ZNF79: variants seen among roughly 807,000 people sequenced by gnomAD.
ZNF79 encodes ZNFpT7.
A neutral mutation model predicts 14.9 loss-of-function variants in ZNF79; 13 were observed. That is an observed-to-expected ratio of 0.87 (90% CI 0.57 to 1.38). The LOEUF (loss-of-function observed/expected upper bound fraction) is 1.38, where lower values mean the gene tolerates loss of function less well. ZNF79 is among the 40% of genes most tolerant of loss of function. ZNF79 has a pLI of 0.00. For synonymous variants in ZNF79, 223 were observed against 235.1 expected (o/e 0.95, Z 0.47); for missense variants, 631 against 630.6 (o/e 1.00, Z -0.01).
intron 1 of ZNF79, 21 bp downstream of exon 1, chr9:127,424,824 C>T: frequency 3.7e-6 from 6 of 1,613,668 alleles, no homozygotes; most frequent in Non-Finnish European, 5.1e-6. Context: ...GTAGAGGGAG[C>T]GATTGTCAAG....
chr9:127,445,307 AG>A lies in ZNF79; in HGVS notation c.*111del. ...GAAAGCATCTGAAGACATCTAACTT[AG>A]AGTCTGCAGCCCAGAGCCACATGCA... On this transcript the variant is annotated 3_prime_UTR_variant, in exon 5 of 5. Transcript: ENST00000342483. 2 of 1,211,338 alleles carry A rather than the reference AG, an allele frequency of 1.7e-6. No individual in the cohort carries two copies. Among genetic ancestry groups the A allele is most frequent in the Non-Finnish European group, 2.3e-6 (2 of 868,980 alleles). 75.0% of individuals were successfully genotyped at this position (1,211,338 alleles called of 1,614,324 possible). A position where few individuals can be genotyped will look rare whatever the true frequency, so the allele number is the denominator to read the frequency against.
chr9:127,436,888 C>G (rs12056990), intron 4 of ZNF79, among the ~76,000 whole-genome samples: 67 of 152,124 alleles, frequency 4.4e-4, no homozygotes, highest in African/African-American at 1.6e-3. Context: ...AAAACCCCAT[C>G]TCAACTAAAA....
chr9:127,428,822 C>T lies in ZNF79; in HGVS notation c.17-10C>T, dbSNP rs371010524. On this transcript the variant is annotated splice_polypyrimidine_tract_variant and intron_variant, in intron 1 of 4. Transcript: ENST00000342483. ...CTTTTAACATTATTAGTTTTTTTCT[C>T]TTTCTCTAGTACTGCCTTCCCCAGG... 6.4e-6 allele frequency: 10 copies of T among 1,565,042 alleles called. No homozygotes were observed. The highest frequency in any genetic ancestry group is 8.6e-6 in the Non-Finnish European group (10 of 1,158,422).
intron 2 of ZNF79, among the ~76,000 whole-genome samples, chr9:127,429,431 C>G (rs1833821323): frequency 6.6e-6 from 1 of 151,958 alleles, no homozygotes; most frequent in Admixed American, 6.6e-5. Context: ...AGCAATCCTC[C>G]CACCTCAGCC....
At position 127,436,010 on chromosome 9, in the gene ZNF79, G is replaced by A. The variant is rs1017821045; in HGVS notation, c.328+7G>A. ...CTGCGAAGTCCCTCTCCAGGTATGT[G>A]AGCAAGCACTTAGCCAGTGGGAGTC... On this transcript the variant is annotated splice_region_variant and intron_variant, in intron 4 of 4. Transcript: ENST00000342483. 6.2e-7 allele frequency: 1 copy of A among 1,613,634 alleles called. No homozygotes were observed. The highest frequency in any genetic ancestry group is 1.3e-5 in the African/African-American group (1 of 75,058).
At chr9:127,428,073 C>T (rs1039556726) in intron 1 of ZNF79, among the ~76,000 whole-genome samples, 1 of 152,034 alleles carries the variant, frequency 6.6e-6, no homozygotes, top group African/African-American at 2.4e-5. Flanking sequence ...CTCGACCTCC[C>T]TGGCTCAAGC....
chr9:127,445,324 G>C lies in ZNF79; in HGVS notation c.*127G>C. Reference sequence around the variant, plus strand: ...TCTAACTTAGAGTCTGCAGCCCAGAGCCACATGCAAAACACCTTCAATAAA... The same window carrying C: ...TCTAACTTAGAGTCTGCAGCCCAGACCCACATGCAAAACACCTTCAATAAA... On this transcript the variant is annotated 3_prime_UTR_variant, in exon 5 of 5. Transcript: ENST00000342483. 1.0e-6 allele frequency: 1 copy of C among 983,856 alleles called. No homozygotes were observed. The highest frequency in any genetic ancestry group is 1.5e-6 in the Non-Finnish European group (1 of 673,804). The allele number at this position is 983,856 out of a possible 1,614,324, so 60.9% of individuals were successfully genotyped here.
chr9:127,440,360 C>T (rs1834028694), intron 4 of ZNF79, among the ~76,000 whole-genome samples: 1 of 151,918 alleles, frequency 6.6e-6, no homozygotes, highest in Non-Finnish European at 1.5e-5. Flanking sequence ...TGGAGGAGAC[C>T]TAGGAGAGGA....
Position 127,444,021 on chromosome 9 carries a change from T to C in ZNF79, c.329-8T>C. Reference sequence around the variant, plus strand: ...AGGGAACACAACAGCTTTTCATTTTTTTTTCAGGCTGGAAGATTATATCTG... The same window carrying C: ...AGGGAACACAACAGCTTTTCATTTTCTTTTCAGGCTGGAAGATTATATCTG... On this transcript the variant is annotated splice_polypyrimidine_tract_variant and splice_region_variant and intron_variant, in intron 4 of 4. Coordinates refer to ENST00000342483, the MANE Select transcript of ZNF79 (RefSeq NM_007135.3). 6.4e-7 allele frequency: 1 copy of C among 1,570,858 alleles called. No individual in the cohort carries two copies. The highest frequency in any genetic ancestry group is 8.6e-7 in the Non-Finnish European group (1 of 1,158,936).
chr9:127,441,976 G>T (rs1056377250), intron 4 of ZNF79, among the ~76,000 whole-genome samples: 3 of 152,216 alleles, frequency 2.0e-5, no homozygotes, highest in Middle Eastern at 3.4e-3. Flanking sequence ...AATTAGCCGG[G>T]TGTGGTGGCG....
At chr9:127,433,137 C>T (rs1205939823) in intron 2 of ZNF79, among the ~76,000 whole-genome samples, 1 of 152,000 alleles carries the variant, frequency 6.6e-6, no homozygotes, top group Non-Finnish European at 1.5e-5. Context: ...ATGTACCTCT[C>T]GGTGTAATGA....
chr9:127,426,825 A>G (rs1382301299), intron 1 of ZNF79, among the ~76,000 whole-genome samples: 3 of 152,102 alleles, frequency 2.0e-5, no homozygotes, highest in African/African-American at 7.2e-5. Context: ...TTAGAAGTGG[A>G]ATTACTGCGT....
At chr9:127,425,578 T>G (rs910502793) in intron 1 of ZNF79, among the ~76,000 whole-genome samples, 1 of 151,396 alleles carries the variant, frequency 6.6e-6, no homozygotes, top group African/African-American at 2.5e-5. Flanking sequence ...GGTCCTTGTA[T>G]TTGTTTTTTT....
chr9:127,435,016 C>G, intron 2 of ZNF79, 74 bp from the exon 3 acceptor site: 1 of 1,485,510 alleles, frequency 6.7e-7, no homozygotes, highest in African/African-American at 1.4e-5. Context: ...TCCCCCAAAA[C>G]TGCCAACGTT....
intron 4 of ZNF79, among the ~76,000 whole-genome samples, 193 bp from the exon 5 acceptor site, chr9:127,443,822 ACCCAGGAGGCGGAG>A (rs1192247982): frequency 6.7e-6 from 1 of 148,328 alleles, no homozygotes; most frequent in Non-Finnish European, 1.5e-5. Flanking sequence ...AATGGCGTGA[ACCCAGGAGGCGGAG>A]GTTGCAGTGA....
At chr9:127,442,820 C>CCA (rs1374889482) in intron 4 of ZNF79, among the ~76,000 whole-genome samples, 1 of 152,074 alleles carries the variant, frequency 6.6e-6, no homozygotes, top group East Asian at 1.9e-4. Flanking sequence ...CATGATCGTG[C>CCA]CACCATGCTT....
chr9:127,435,286 A>C lies in ZNF79; in HGVS notation c.232+70A>C. The C allele has an allele frequency of 2.0e-6, 3 of 1,497,354 alleles. No homozygotes were observed. The South Asian group carries it at 4.1e-5, about 20-fold the overall frequency. 92.8% of individuals were successfully genotyped at this position (1,497,354 alleles called of 1,614,324 possible). ...AAATCTGTGGCACTTGCTTTCCAGC[A>C]TGTAGGGGTTTCTGACTGGTGTGAT... On this transcript the variant is annotated intron_variant, in intron 3 of 4. Coordinates refer to ENST00000342483, the MANE Select transcript of ZNF79 (RefSeq NM_007135.3).
At position 127,435,143 on chromosome 9, in the gene ZNF79, G is replaced by A. The variant is rs1031088975; in HGVS notation, c.159G>A (p.Arg53=). The A allele has an allele frequency of 1.2e-6, 2 of 1,613,086 alleles. No individual in the cohort carries two copies. Among genetic ancestry groups the A allele is most frequent in the Non-Finnish European group, 1.7e-6 (2 of 1,179,440 alleles). The change falls in exon 3 of 5, where the codon AGG becomes AGA. Residue 53 remains arginine (R), a synonymous_variant. Transcript: ENST00000342483. ...VTVAFAQERW[R]CLVSTPRDRF... ...TAGCTTTTGCACAGGAAAGGTGGAG[G>A]TGCCTCGTGTCTACTCCACGGGACA...
chr9:127,432,952 T>C (rs1833886472), intron 2 of ZNF79, among the ~76,000 whole-genome samples: 1 of 152,222 alleles, frequency 6.6e-6, no homozygotes, highest in Non-Finnish European at 1.5e-5. Flanking sequence ...TTTTAGTTTT[T>C]TGTATTTTTA....
Sources: gnomAD v4.1 joint callset for allele counts (sites outside exome capture counted in the v4.1 genomes callset) on GRCh38, gnomAD v4.1.1 for gene constraint, MANE v1.5 for transcripts, NCBI Gene and HGNC (gene_info 2026-07-23, HGNC 2026-07-21) for gene names.